The following SH3BGRL2 variants were observed in gnomAD, a reference collection of about 807,000 sequenced individuals.
The protein encoded by SH3BGRL2 is SH3 domain-binding glutamic acid-rich-like protein 2.
Under a neutral mutation model 14.8 loss-of-function variants are expected in SH3BGRL2, and 21 were observed. The ratio of observed to expected loss-of-function variants is 1.42; its 90% CI spans 1.01 to 2.05. The LOEUF is 2.05. SH3BGRL2 is among the 30% of genes most tolerant of loss of function. SH3BGRL2 has a pLI of 0.00. For missense variants in SH3BGRL2, 147 were observed against 130.8 expected (o/e 1.12, Z -0.61); for synonymous variants, 50 against 47.8 (o/e 1.05, Z -0.19).
At chr6:79,564,072 A>T in the SH3BGRL2 span, among the ~76,000 whole-genome samples, 1 of 152,146 alleles carries the variant, frequency 6.6e-6, no homozygotes, top group Non-Finnish European at 1.5e-5. Flanking sequence ...AAGTAAGTAG[A>T]TTGCTATGGC....
chr6:79,644,203 A>AACAG (rs1769084787), intron 1 of SH3BGRL2, among the ~76,000 whole-genome samples: 1 of 152,156 alleles, frequency 6.6e-6, no homozygotes, highest in Admixed American at 6.5e-5. Context: ...GCTCTGCACA[A>AACAG]AGGTGTTCTT....
chr6:79,626,358 G>A (rs1035069581), upstream of SH3BGRL2, among the ~76,000 whole-genome samples: 4 of 152,134 alleles, frequency 2.6e-5, no homozygotes, highest in South Asian at 2.1e-4. Context: ...GGATATTTAC[G>A]TTCCCTGATT....
chr6:79,628,961 A>G (rs992009781), upstream of SH3BGRL2, among the ~76,000 whole-genome samples: 5 of 152,200 alleles, frequency 3.3e-5, no homozygotes, highest in Non-Finnish European at 7.3e-5. Flanking sequence ...GAACAGGTTG[A>G]ACAGGATCAG....
At chr6:79,628,511 C>T (rs191080458), upstream of SH3BGRL2, among the ~76,000 whole-genome samples, 4 of 152,136 alleles carry the variant, frequency 2.6e-5, no homozygotes, top group East Asian at 1.9e-4. Context: ...TTTGGCTACC[C>T]GCTCTATCTG....
chr6:79,632,910 T>G (rs892119182), intron 1 of SH3BGRL2, among the ~76,000 whole-genome samples: 1 of 152,236 alleles, frequency 6.6e-6, no homozygotes, highest in African/African-American at 2.4e-5. Flanking sequence ...CACCACCGAC[T>G]TGCATGCTTC....
chr6:79,551,362 G>A, the SH3BGRL2 span, among the ~76,000 whole-genome samples: 1 of 152,246 alleles, frequency 6.6e-6, no homozygotes, highest in African/African-American at 2.4e-5. Flanking sequence ...AAGTCATCTG[G>A]GATCTTTTTG....
the SH3BGRL2 span, among the ~76,000 whole-genome samples, chr6:79,562,942 A>G: frequency 7.9e-5 from 12 of 151,944 alleles, no homozygotes; most frequent in African/African-American, 2.7e-4. Flanking sequence ...AGCTTGGTCT[A>G]TATTTTTTGT....
the SH3BGRL2 span, chr6:79,561,249 ATTAAT>A: frequency 1.1e-3 from 161 of 152,014 alleles, no homozygotes; most frequent in African/African-American, 3.8e-3. Context: ...TAATACTAAA[ATTAAT>A]TTAAATAATA....
the SH3BGRL2 span, among the ~76,000 whole-genome samples, chr6:79,575,782 A>T: frequency 6.7e-6 from 1 of 149,442 alleles, no homozygotes; most frequent in African/African-American, 2.4e-5. Flanking sequence ...TAAATTTTTA[A>T]AAATATTTTA....
At chr6:79,613,716 C>T in the SH3BGRL2 span, among the ~76,000 whole-genome samples, 2 of 152,090 alleles carry the variant, frequency 1.3e-5, no homozygotes, top group Non-Finnish European at 1.5e-5. Flanking sequence ...AGCAATTCTC[C>T]CTGCCTCAGC....
the SH3BGRL2 span, among the ~76,000 whole-genome samples, chr6:79,588,450 T>A: frequency 6.6e-6 from 1 of 152,172 alleles, no homozygotes; most frequent in Non-Finnish European, 1.5e-5. Context: ...GTTCTGCTCT[T>A]CCTGGGACAG....
chr6:79,544,092 C>G, the SH3BGRL2 span, among the ~76,000 whole-genome samples: 3 of 152,124 alleles, frequency 2.0e-5, no homozygotes, highest in Non-Finnish European at 2.9e-5. Context: ...GTTCTCAGTT[C>G]CTGTTTCTGG....
At chr6:79,576,017 A>G in the SH3BGRL2 span, among the ~76,000 whole-genome samples, 3 of 151,958 alleles carry the variant, frequency 2.0e-5, no homozygotes, top group African/African-American at 7.2e-5. Flanking sequence ...ATTACCCTTT[A>G]TTGTTTTAAA....
chr6:79,613,609 T>C, the SH3BGRL2 span, among the ~76,000 whole-genome samples: 1 of 152,066 alleles, frequency 6.6e-6, no homozygotes, highest in Non-Finnish European at 1.5e-5. Context: ...GAAAAGGAAC[T>C]CTTTTTTTTT....
rs1768824943 is a variant in SH3BGRL2, at chr6:79,631,561, G to GCA, written c.45+55_45+56insCA. Reference sequence around the variant, plus strand: ...GGGGTCGCGGGGCGCGGGTCCTGCGGGAGGCGCGCGGCGCTCGTCACTGCG... The same window carrying GCA: ...GGGGTCGCGGGGCGCGGGTCCTGCGGCAGAGGCGCGCGGCGCTCGTCACTGCG... On this transcript the variant is annotated intron_variant, in intron 1 of 3. Coordinates refer to ENST00000369838, the MANE Select transcript of SH3BGRL2 (RefSeq NM_031469.4). 5.3e-6 allele frequency: 7 copies of GCA among 1,326,452 alleles called. No homozygotes were observed. The South Asian group carries it at 1.5e-4, about 28-fold the overall frequency. The allele number at this position is 1,326,452 out of a possible 1,614,324, so 82.2% of individuals were successfully genotyped here. A position where few individuals can be genotyped will look rare whatever the true frequency, so the allele number is the denominator to read the frequency against.
the SH3BGRL2 span, among the ~76,000 whole-genome samples, chr6:79,566,581 T>C: frequency 0.16 from 25,054 of 152,156 alleles, 2,190 homozygotes; most frequent in South Asian, 0.22. Flanking sequence ...GTTGTTTCCA[T>C]GATAAATTAT....
intron 2 of SH3BGRL2, among the ~76,000 whole-genome samples, chr6:79,677,821 T>G (rs1477862030): frequency 2.0e-5 from 3 of 152,176 alleles, no homozygotes; most frequent in Non-Finnish European, 4.4e-5. Context: ...CAATCCTTAC[T>G]GTGAGCAGGA....
the SH3BGRL2 span, among the ~76,000 whole-genome samples, chr6:79,624,353 AT>A: frequency 6.6e-6 from 1 of 150,812 alleles, no homozygotes; most frequent in Non-Finnish European, 1.5e-5. Flanking sequence ...TATAATTAAT[AT>A]TTTTGATTAA....
intron 2 of SH3BGRL2, among the ~76,000 whole-genome samples, chr6:79,677,753 T>C (rs1769913419): frequency 6.6e-6 from 1 of 152,186 alleles, no homozygotes; most frequent in Non-Finnish European, 1.5e-5. Context: ...TTCTCAGTTA[T>C]TTGCATCAAG....
Sources: gnomAD v4.1 joint callset for allele counts (sites outside exome capture counted in the v4.1 genomes callset) on GRCh38, gnomAD v4.1.1 for gene constraint, MANE v1.5 for transcripts, NCBI Gene and HGNC (gene_info 2026-07-23, HGNC 2026-07-21) for gene names.